Variants in CDX1 observed in about 807,000 individuals in gnomAD.
CDX1 encodes the protein caudal type homeobox 1, also known as homeobox protein CDX-1.
In CDX1, 9 loss-of-function variants were observed where a neutral mutation model predicts 16.9. The ratio of observed to expected loss-of-function variants is 0.53; its 90% CI spans 0.32 to 0.93. The LOEUF (loss-of-function observed/expected upper bound fraction) is 0.93, where lower values mean the gene tolerates loss of function less well. CDX1 is among the 40% of genes least tolerant of loss of function. The pLI is 0.04. For synonymous variants in CDX1, 179 were observed against 179.0 expected (o/e 1.00, Z 0.00); for missense variants, 393 against 386.1 (o/e 1.02, Z -0.15).
At chr5:150,171,302 A>C (rs371432270) in intron 1 of CDX1, among the ~76,000 whole-genome samples, 2 of 152,028 alleles carry the variant, frequency 1.3e-5, no homozygotes, top group African/African-American at 4.8e-5. Context: ...GTGGCTCCCT[A>C]CTGACATGGA....
At position 150,166,815 on chromosome 5, in the gene CDX1, G is replaced by C. The variant is rs759824259; in HGVS notation, c.-62G>C. ...GAGTTCAGGTGAGCGGTTGCTCGTC[G>C]TCGGGGCGGCCGGCAGCGGCGGCTC... On this transcript the variant is annotated 5_prime_UTR_variant, in exon 1 of 3. Transcript: ENST00000231656. The C allele has an allele frequency of 2.4e-5, 30 of 1,236,206 alleles. No individual in the cohort carries two copies. Among genetic ancestry groups the C allele is most frequent in the Non-Finnish European group, 3.1e-5 (29 of 945,216 alleles). The allele number at this position is 1,236,206 out of a possible 1,614,324, so 76.6% of individuals were successfully genotyped here.
At chr5:150,172,803 G>C (rs1761523675) in intron 1 of CDX1, among the ~76,000 whole-genome samples, 1 of 152,140 alleles carries the variant, frequency 6.6e-6, no homozygotes, top group Admixed American at 6.5e-5. Context: ...TTTTTTGGTT[G>C]GGTGTTTTCT....
At position 150,166,845 on chromosome 5, in the gene CDX1, G is replaced by T; in HGVS notation, c.-32G>T. ...GGCGGCCGGCAGCGGCGGCTCCAGG[G>T]CCCAGCATGCGCGGGGGACCCCGCG... is the stretch of plus-strand genomic sequence containing the variant. On this transcript the variant is annotated 5_prime_UTR_variant, in exon 1 of 3. Coordinates refer to ENST00000231656, the MANE Select transcript of CDX1 (RefSeq NM_001804.3). 1 of 1,417,910 alleles carries T rather than the reference G, an allele frequency of 7.1e-7. No homozygotes were observed. The allele number at this position is 1,417,910 out of a possible 1,614,324, so 87.8% of individuals were successfully genotyped here.
At chr5:150,180,906 T>C (rs1373892957) in intron 1 of CDX1, among the ~76,000 whole-genome samples, 1 of 152,132 alleles carries the variant, frequency 6.6e-6, no homozygotes, top group Non-Finnish European at 1.5e-5. Context: ...CTGAGCCTCA[T>C]AAAGAAGCCA....
intron 1 of CDX1, among the ~76,000 whole-genome samples, chr5:150,177,859 GC>G (rs756567997): frequency 4.6e-5 from 7 of 152,126 alleles, no homozygotes; most frequent in Admixed American, 1.3e-4. Flanking sequence ...ACTCCTGACT[GC>G]CCCGAGACAC....
At position 150,166,934 on chromosome 5, in the gene CDX1, C is replaced by T; in HGVS notation, c.58C>T (p.Pro20Ser). 1 of 1,508,020 alleles carries T rather than the reference C, an allele frequency of 6.6e-7. No homozygotes were observed. The highest frequency in any genetic ancestry group is 8.8e-7 in the Non-Finnish European group (1 of 1,135,680). The allele number at this position is 1,508,020 out of a possible 1,614,324, so 93.4% of individuals were successfully genotyped here. ...DSPVYPGPARPASLGLGPQAY... is the reference protein window; with the variant it reads ...DSPVYPGPARSASLGLGPQAY... ...GCCCGTGTACCCCGGCCCAGCCAGG[C>T]CAGCCAGCCTCGGCCTGGGCCCGCA... is the stretch of plus-strand genomic sequence containing the variant. Residue 20 changes from proline to serine, a missense_variant, in exon 1 of 3, where the codon CCA (proline) becomes TCA (serine). By Grantham distance (74) the Pro-to-Ser change is moderately conservative. Coordinates refer to ENST00000231656, the MANE Select transcript of CDX1 (RefSeq NM_001804.3).
At chr5:150,181,470 T>G (rs1358278428) in intron 1 of CDX1, among the ~76,000 whole-genome samples, 2 of 152,018 alleles carry the variant, frequency 1.3e-5, no homozygotes, top group African/African-American at 4.8e-5. Flanking sequence ...AGAGATGAGG[T>G]TTCACCATGT....
In CDX1 at chr5:150,167,172, G is replaced by T. The variant is rs947083016; in HGVS notation, c.296G>T (p.Ser99Ile). The change falls in exon 1 of 3, where the codon AGC becomes ATC. Residue 99 changes from serine (S) to isoleucine (I), a missense_variant. Physicochemically the swap from Ser to Ile is moderately radical, Grantham distance 142 (BLOSUM62 -2). Coordinates refer to ENST00000231656, the MANE Select transcript of CDX1 (RefSeq NM_001804.3). ...SLAFGPPPDF[S>I]PVPAPPGPGP... The stretch of plus-strand genomic sequence containing the variant: ...GCATTCGGGCCCCCTCCAGACTTTA[G>T]CCCGGTGCCGGCGCCCCCTGGGCCC... 1 of 1,279,634 alleles carries T rather than the reference G, an allele frequency of 7.8e-7. No homozygotes were observed. Among genetic ancestry groups the T allele is most frequent in the Non-Finnish European group, 9.8e-7 (1 of 1,019,020 alleles). 79.3% of individuals were successfully genotyped at this position (1,279,634 alleles called of 1,614,324 possible).
chr5:150,183,763 C>A lies in CDX1; in HGVS notation c.*83C>A. 1 of 1,157,628 alleles carries A rather than the reference C, an allele frequency of 8.6e-7. No individual in the cohort carries two copies. Among genetic ancestry groups the A allele is most frequent in the Non-Finnish European group, 1.2e-6 (1 of 840,742 alleles). 71.7% of individuals were successfully genotyped at this position (1,157,628 alleles called of 1,614,324 possible). Reference sequence around the variant, plus strand: ...TCCTGTGGGCCCAGGAGGTCTGGTCCGAGTCTCAGCCCTGACCTTCTGGGA... The same window carrying A: ...TCCTGTGGGCCCAGGAGGTCTGGTCAGAGTCTCAGCCCTGACCTTCTGGGA... On this transcript the variant is annotated 3_prime_UTR_variant, in exon 3 of 3. Coordinates refer to ENST00000231656, the MANE Select transcript of CDX1 (RefSeq NM_001804.3).
intron 1 of CDX1, among the ~76,000 whole-genome samples, chr5:150,167,714 G>A (rs1352682255): frequency 6.6e-6 from 1 of 152,236 alleles, no homozygotes; most frequent in African/African-American, 2.4e-5. Context: ...AAGGCGGCAG[G>A]TTCGCCCCAG....
At chr5:150,170,817 T>A (rs1562052707) in intron 1 of CDX1, among the ~76,000 whole-genome samples, 1 of 152,240 alleles carries the variant, frequency 6.6e-6, no homozygotes, top group Non-Finnish European at 1.5e-5. Flanking sequence ...GTGATCAGCA[T>A]CATTTGACTG....
intron 1 of CDX1, among the ~76,000 whole-genome samples, chr5:150,179,068 A>G (rs755271829): frequency 2.0e-5 from 3 of 152,174 alleles, no homozygotes; most frequent in Non-Finnish European, 4.4e-5. Flanking sequence ...TGGAAGTGGG[A>G]TTCTTCGGTC....
intron 1 of CDX1, among the ~76,000 whole-genome samples, chr5:150,179,501 A>AG (rs1433186572): frequency 6.6e-6 from 1 of 152,246 alleles, no homozygotes; most frequent in East Asian, 1.9e-4. Flanking sequence ...ATGACCAGTC[A>AG]GGACAGCCCT....
chr5:150,171,405 G>A (rs959159196), intron 1 of CDX1, among the ~76,000 whole-genome samples: 29 of 151,900 alleles, frequency 1.9e-4, no homozygotes, highest in African/African-American at 7.0e-4. Context: ...GTGCGATCTC[G>A]GCTCACTGCA....
chr5:150,176,378 T>C (rs547674741), intron 1 of CDX1, among the ~76,000 whole-genome samples: 18 of 152,308 alleles, frequency 1.2e-4, no homozygotes, highest in Non-Finnish European at 2.2e-4. Flanking sequence ...GCTACCCTAT[T>C]CCCACCTCCC....
In CDX1 at chr5:150,184,037, C is replaced by T; in HGVS notation, c.*357C>T. ...GTGCAGCTGGAGGCTGCTGTGGGGACCACACTGATCCTGGAGAAAAGGGAT... is the reference window on the plus strand; with the variant it reads ...GTGCAGCTGGAGGCTGCTGTGGGGATCACACTGATCCTGGAGAAAAGGGAT... On this transcript the variant is annotated 3_prime_UTR_variant, in exon 3 of 3. Coordinates refer to ENST00000231656, the MANE Select transcript of CDX1 (RefSeq NM_001804.3). 4.9e-6 allele frequency: 1 copy of T among 202,854 alleles called. No individual in the cohort carries two copies. The highest frequency in any genetic ancestry group is 9.8e-6 in the Non-Finnish European group (1 of 101,680). The allele number at this position is 202,854 out of a possible 1,614,324, so 12.6% of individuals were successfully genotyped here. A position where few individuals can be genotyped will look rare whatever the true frequency, so the allele number is the denominator to read the frequency against.
At chr5:150,168,654 G>C (rs1043192059) in intron 1 of CDX1, among the ~76,000 whole-genome samples, 1 of 152,226 alleles carries the variant, frequency 6.6e-6, no homozygotes, top group Non-Finnish European at 1.5e-5. Flanking sequence ...GAGAGTTTAA[G>C]TACTTGCCCA....
At chr5:150,173,607 C>A (rs550635386) in intron 1 of CDX1, among the ~76,000 whole-genome samples, 29 of 152,348 alleles carry the variant, frequency 1.9e-4, no homozygotes, top group African/African-American at 6.3e-4. Context: ...TGTTTTTAAT[C>A]TACCTCCCCT....
intron 1 of CDX1, among the ~76,000 whole-genome samples, chr5:150,182,351 C>T (rs1372891980): frequency 1.3e-5 from 2 of 152,106 alleles, no homozygotes; most frequent in African/African-American, 4.8e-5. Context: ...TCAGGGATGC[C>T]CAGAACCTGT....
Sources: gnomAD v4.1 joint callset for allele counts (sites outside exome capture counted in the v4.1 genomes callset) on GRCh38, gnomAD v4.1.1 for gene constraint, MANE v1.5 for transcripts, NCBI Gene and HGNC (gene_info 2026-07-23, HGNC 2026-07-21) for gene names.